The following CSMD1 variants were observed in gnomAD, a reference collection of about 807,000 sequenced individuals.
The protein encoded by CSMD1 is CUB and Sushi multiple domains 1, also known as CUB and sushi domain-containing protein 1.
A neutral mutation model predicts 417.5 loss-of-function variants in CSMD1; 213 were observed. The observed-to-expected ratio is 0.51, with a 90% CI of 0.46 to 0.57. The LOEUF is 0.57. CSMD1 is among the 20% of genes least tolerant of loss of function. The probability of loss-of-function intolerance (pLI) is 0.00; values close to 1 mark genes in which losing one functional copy is unlikely to be tolerated. For synonymous variants in CSMD1, 2,862 were observed against 1,736.8 expected (o/e 1.65, Z -16.11); for missense variants, 6,923 against 4,529.7 (o/e 1.53, Z -15.17).
chr8:4,134,477 C>G (rs1000526518), intron 3 of CSMD1, among the ~76,000 whole-genome samples: 3 of 152,276 alleles, frequency 2.0e-5, no homozygotes, highest in Middle Eastern at 3.4e-3. Flanking sequence ...ACCAAACCTG[C>G]TATCACTTTG....
At chr8:3,580,524 T>A (rs557426130) in intron 9 of CSMD1, among the ~76,000 whole-genome samples, 2 of 152,146 alleles carry the variant, frequency 1.3e-5, no homozygotes, top group African/African-American at 4.8e-5. Context: ...TTGATGTCAA[T>A]AGAGTATGAG....
intron 12 of CSMD1, among the ~76,000 whole-genome samples, chr8:3,429,149 G>A (rs779841396): frequency 2.0e-5 from 3 of 152,148 alleles, no homozygotes; most frequent in Admixed American, 6.5e-5. Context: ...TAACAATATT[G>A]CATGGTATAT....
intron 3 of CSMD1, among the ~76,000 whole-genome samples, chr8:4,191,307 A>C (rs2131215682): frequency 6.6e-6 from 1 of 152,228 alleles, no homozygotes; most frequent in Admixed American, 6.5e-5. Flanking sequence ...GAGGCAGGAG[A>C]ATGGCGTGAA....
intron 3 of CSMD1, among the ~76,000 whole-genome samples, chr8:4,151,762 G>C (rs1388565825): frequency 2.0e-5 from 3 of 152,130 alleles, no homozygotes; most frequent in Non-Finnish European, 2.9e-5. Flanking sequence ...CTTTTTCCTA[G>C]TGCCACATTT....
rs189321859 is a variant in CSMD1, at chr8:4,812,500, A to T, written c.86-174942T>A. On this transcript the variant is annotated intron_variant, in intron 1 of 69. Transcript: ENST00000635120. Reference sequence around the variant, plus strand: ...ACTTAAGTTGACAGATATCCCAAATACCCCAAATTTGATCATTATACATTC... The same window carrying T: ...ACTTAAGTTGACAGATATCCCAAATTCCCCAAATTTGATCATTATACATTC... Among the ~76,000 whole-genome samples the T allele has an allele frequency of 2.6e-5, 4 of 152,256 alleles. No individual in the cohort carries two copies. In the East Asian group the frequency reaches 5.8e-4, roughly 22 times the overall value.
chr8:3,663,376 C>T (rs995027367), intron 7 of CSMD1, among the ~76,000 whole-genome samples: 1 of 152,042 alleles, frequency 6.6e-6, no homozygotes, highest in African/African-American at 2.4e-5. Flanking sequence ...TAAAGGGGCA[C>T]TTCTGTAAAT....
At chr8:4,890,782 C>A (rs1208155041) in intron 1 of CSMD1, among the ~76,000 whole-genome samples, 1 of 152,120 alleles carries the variant, frequency 6.6e-6, no homozygotes, top group Non-Finnish European at 1.5e-5. Flanking sequence ...CACTTTTGCA[C>A]CGACCTAATA....
intron 25 of CSMD1, among the ~76,000 whole-genome samples, chr8:3,286,312 C>T (rs1004935020): frequency 6.6e-6 from 1 of 152,098 alleles, no homozygotes; most frequent in Non-Finnish European, 1.5e-5. Flanking sequence ...TTTATAGCAG[C>T]ATGATTTATA....
At chr8:4,193,824 G>C (rs1392360627) in intron 3 of CSMD1, among the ~76,000 whole-genome samples, 2 of 152,028 alleles carry the variant, frequency 1.3e-5, no homozygotes, top group Non-Finnish European at 2.9e-5. Flanking sequence ...CAGGAAAACA[G>C]AATACAGTTC....
chr8:3,199,724 G>T lies in CSMD1; in HGVS notation c.5184C>A (p.Phe1728Leu). ...TGGAGTGACGCTTACCTTGATACAC[G>T]AAGTGGAAGCCGCGGGCAGAGGCAC... ...KSGASARGFHFVYQAVPRTSD... is the reference protein window; with the variant it reads ...KSGASARGFHLVYQAVPRTSD... Residue 1728 changes from phenylalanine to leucine, a missense_variant, in exon 33 of 70, where the codon TTC becomes TTA. Physicochemically the swap from Phe to Leu is conservative, Grantham distance 22 (BLOSUM62 0). Coordinates refer to ENST00000635120, the MANE Select transcript of CSMD1 (RefSeq NM_033225.6). 1 of 1,584,646 alleles carries T rather than the reference G, an allele frequency of 6.3e-7. No homozygotes were observed. Among genetic ancestry groups the T allele is most frequent in the Non-Finnish European group, 8.6e-7 (1 of 1,164,688 alleles).
intron 5 of CSMD1, among the ~76,000 whole-genome samples, chr8:3,985,701 A>G (rs1359500683): frequency 6.6e-6 from 1 of 152,128 alleles, no homozygotes; most frequent in Admixed American, 6.6e-5. Flanking sequence ...AGAATCAAGT[A>G]ACAACTTGAT....
intron 3 of CSMD1, among the ~76,000 whole-genome samples, chr8:4,107,997 G>C (rs1370575429): frequency 6.6e-6 from 1 of 152,002 alleles, no homozygotes; most frequent in Non-Finnish European, 1.5e-5. Flanking sequence ...GAAGTAGAAA[G>C]TAAGGGAAAG....
intron 7 of CSMD1, among the ~76,000 whole-genome samples, chr8:3,699,632 A>C (rs1800737786): frequency 6.6e-6 from 1 of 151,850 alleles, no homozygotes; most frequent in Non-Finnish European, 1.5e-5. Context: ...AAATGTTACT[A>C]CCGTTATGAC....
chr8:3,323,920 GACACAC>G (rs1806322335), intron 23 of CSMD1, among the ~76,000 whole-genome samples: 1 of 139,524 alleles, frequency 7.2e-6, no homozygotes, highest in Admixed American at 7.3e-5. Context: ...TGTTAAAATA[GACACAC>G]ATCTAACCCC....
intron 3 of CSMD1, among the ~76,000 whole-genome samples, chr8:4,167,551 T>C (rs540202852): frequency 1.3e-5 from 2 of 152,278 alleles, no homozygotes; most frequent in Middle Eastern, 3.4e-3. Context: ...TCTTGCTTGT[T>C]GCAGAAATTA....
chr8:4,536,071 G>T (rs1797087520), intron 2 of CSMD1, among the ~76,000 whole-genome samples: 1 of 151,992 alleles, frequency 6.6e-6, no homozygotes, highest in Admixed American at 6.6e-5. Context: ...TTTTCATAGG[G>T]CGTGCCCCAC....
chr8:3,679,522 C>A (rs189595397), intron 7 of CSMD1, among the ~76,000 whole-genome samples: 2 of 152,134 alleles, frequency 1.3e-5, no homozygotes, highest in East Asian at 1.9e-4. Flanking sequence ...CAGGAGCACC[C>A]AGATTCATAA....
chr8:4,515,339 C>A (rs1180982776), intron 2 of CSMD1, among the ~76,000 whole-genome samples: 2 of 152,132 alleles, frequency 1.3e-5, no homozygotes, highest in Non-Finnish European at 2.9e-5. Context: ...ATAGTTATGG[C>A]CTCGCTTGAT....
chr8:4,249,937 G>C (rs554578424), intron 3 of CSMD1, among the ~76,000 whole-genome samples: 3 of 152,224 alleles, frequency 2.0e-5, no homozygotes, highest in East Asian at 1.9e-4. Context: ...TAGGTTATGA[G>C]GGCTTTGCAC....
Sources: gnomAD v4.1 joint callset for allele counts (sites outside exome capture counted in the v4.1 genomes callset) on GRCh38, gnomAD v4.1.1 for gene constraint, MANE v1.5 for transcripts, NCBI Gene and HGNC (gene_info 2026-07-23, HGNC 2026-07-21) for gene names.